Variants in TANC2 observed in about 807,000 individuals in gnomAD.
The protein encoded by TANC2 is tetratricopeptide repeat, ankyrin repeat and coiled-coil containing 2.
In TANC2, 26 loss-of-function variants were observed where a neutral mutation model predicts 210.5. The ratio of observed to expected loss-of-function variants is 0.12; its 90% CI spans 0.09 to 0.17. The LOEUF is 0.17. Among genes scored for constraint, TANC2 ranks in the 10% least tolerant of loss-of-function variants. The pLI is 1.00. For missense variants in TANC2, 2,129 were observed against 2,608.9 expected (o/e 0.82, Z 4.01); for synonymous variants, 931 against 967.1 (o/e 0.96, Z 0.69).
At chr17:63,290,549 A>G (rs1432632557) in intron 9 of TANC2, among the ~76,000 whole-genome samples, 1 of 152,166 alleles carries the variant, frequency 6.6e-6, no homozygotes, top group East Asian at 1.9e-4. Context: ...GTGGCCTGGA[A>G]ATGCTTTCAA....
intron 4 of TANC2, chr17:63,117,018 TTTACAGCTTTAAGGCATGAGGAGC>T (rs2038277653): frequency 6.6e-6 from 1 of 151,444 alleles, no homozygotes; most frequent in South Asian, 2.1e-4. Context: ...AAGAGAGGAG[TTTACAGCTTTAAGGCATGAGGAGC>T]TTACAGCTTT....
chr17:63,195,103 A>G (rs2041302355), intron 6 of TANC2, among the ~76,000 whole-genome samples: 1 of 152,172 alleles, frequency 6.6e-6, no homozygotes, highest in Non-Finnish European at 1.5e-5. Context: ...TTGTGTGGAT[A>G]AGTTCAGATG....
chr17:63,323,709 G>A (rs796955628), intron 11 of TANC2, among the ~76,000 whole-genome samples: 3 of 152,056 alleles, frequency 2.0e-5, no homozygotes, highest in Non-Finnish European at 2.9e-5. Flanking sequence ...ACCCTATGAG[G>A]TACATCATTA....
intron 4 of TANC2, among the ~76,000 whole-genome samples, chr17:63,119,259 AT>A (rs1190738275): frequency 1.3e-5 from 2 of 152,188 alleles, no homozygotes; most frequent in Non-Finnish European, 2.9e-5. Context: ...TATTTGGAAA[AT>A]ATATACGTCA....
intron 5 of TANC2, among the ~76,000 whole-genome samples, chr17:63,169,275 T>A (rs1216061379): frequency 6.6e-6 from 1 of 152,208 alleles, no homozygotes; most frequent in African/African-American, 2.4e-5. Context: ...CTTATGTTAG[T>A]TCTTTTGTAT....
intron 4 of TANC2, among the ~76,000 whole-genome samples, chr17:63,114,305 A>G (rs1444410214): frequency 6.6e-6 from 1 of 152,234 alleles, no homozygotes; most frequent in Non-Finnish European, 1.5e-5. Context: ...CACGACATTC[A>G]TTAAACAGAA....
chr17:63,213,704 AG>A (rs1489910630), intron 7 of TANC2, among the ~76,000 whole-genome samples: 2 of 152,250 alleles, frequency 1.3e-5, no homozygotes, highest in East Asian at 3.8e-4. Context: ...GGTGGCAAAA[AG>A]TTTAAGAACC....
chr17:63,412,744 T>C lies in TANC2; in HGVS notation c.3928+35T>C. ...ACCGCTGTCAGCATCAGGCGTGGTCTGATGGCTTGGTCAGCTTTGCCTTCT... is the reference window on the plus strand; with the variant it reads ...ACCGCTGTCAGCATCAGGCGTGGTCCGATGGCTTGGTCAGCTTTGCCTTCT... On this transcript the variant is annotated intron_variant, in intron 24 of 27. Transcript: ENST00000689528. This position sits in a 1 kb window ranked among gnomAD's most constrained non-coding sequence, Gnocchi z 4.2. 1 of 1,535,420 alleles carries C rather than the reference T, an allele frequency of 6.5e-7. No homozygotes were observed. Among genetic ancestry groups the C allele is most frequent in the Non-Finnish European group, 8.7e-7 (1 of 1,146,664 alleles).
At chr17:63,032,080 T>C (rs573839033) in intron 2 of TANC2, among the ~76,000 whole-genome samples, 181 of 152,334 alleles carry the variant, frequency 1.2e-3, no homozygotes, top group African/African-American at 3.8e-3. Context: ...CCATTTCTTA[T>C]ATCTATTTCT....
At chr17:62,980,788 T>G (rs566681534) in intron 1 of TANC2, among the ~76,000 whole-genome samples, 13 of 152,318 alleles carry the variant, frequency 8.5e-5, no homozygotes, top group South Asian at 6.2e-4. Flanking sequence ...CTGGCTTACT[T>G]CTAGTACCCA....
At chr17:63,276,494 CTT>C (rs554302518) in intron 9 of TANC2, among the ~76,000 whole-genome samples, 25 of 134,082 alleles carry the variant, frequency 1.9e-4, no homozygotes, top group East Asian at 2.2e-4. Flanking sequence ...TTTTCCCTTT[CTT>C]TTTTTTTTTT....
chr17:63,405,070 C>G (rs1039471742), intron 19 of TANC2, 52 bp from the exon 20 acceptor site: 1 of 1,520,162 alleles, frequency 6.6e-7, no homozygotes, highest in East Asian at 2.3e-5. Context: ...TAACATGGAG[C>G]GCTGGAGAGG....
At position 63,217,253 on chromosome 17, in the gene TANC2, T is replaced by C. The variant is rs528812669; in HGVS notation, c.769+16296T>C. On this transcript the variant is annotated intron_variant, in intron 7 of 27. Transcript: ENST00000689528. ...GAAAACAGTGGAGAAAAACAATGAA[T>C]TAAAAGCTGGTGCTTTGAGAAAATC... 2.4e-3 allele frequency among the ~76,000 whole-genome samples: 362 copies of C among 152,182 alleles called. 1 individual carries two copies. The highest frequency in any genetic ancestry group is 4.1e-3 in the Non-Finnish European group (278 of 67,982).
intron 4 of TANC2, among the ~76,000 whole-genome samples, chr17:63,134,216 A>T (rs1054799170): frequency 1.1e-4 from 17 of 152,134 alleles, no homozygotes; most frequent in African/African-American, 4.1e-4. Flanking sequence ...TCCGCTCTAG[A>T]TGCCAAACAT....
chr17:63,256,087 G>A (rs1461729134), intron 8 of TANC2, among the ~76,000 whole-genome samples: 1 of 151,788 alleles, frequency 6.6e-6, no homozygotes, highest in East Asian at 1.9e-4. Context: ...TGTATTTTTA[G>A]TAGAGGCAGG....
At chr17:63,351,563 G>T in intron 13 of TANC2, 147 bp downstream of exon 13, 1 of 633,946 alleles carries the variant, frequency 1.6e-6, no homozygotes. Context: ...CTAATATTTT[G>T]AGAGATATGA....
intron 2 of TANC2, among the ~76,000 whole-genome samples, chr17:63,055,984 AAAAAAAATATATATATATATAT>A (rs1351686410): frequency 1.0e-3 from 18 of 17,308 alleles, no homozygotes; most frequent in South Asian, 6.3e-3. Flanking sequence ...AAAAAAAAAA[AAAAAAAATATATATATATATAT>A]ATATATATAT....
intron 26 of TANC2, among the ~76,000 whole-genome samples, chr17:63,417,944 T>C (rs2048915905): frequency 6.6e-6 from 1 of 152,196 alleles, no homozygotes; most frequent in African/African-American, 2.4e-5. Flanking sequence ...CCACGTGAAA[T>C]GTGGACATGT....
In TANC2 at chr17:63,057,476, A is replaced by G. The variant is rs140876185; in HGVS notation, c.68-16467A>G. ...TAGGTTTACACGTGCAGGTTGATTT[A>G]TAGGTGAATTTGTGTCATGGGGGTG... On this transcript the variant is annotated intron_variant, in intron 2 of 27. Coordinates refer to ENST00000689528, the Ensembl canonical transcript of TANC2. 8.7e-4 allele frequency among the ~76,000 whole-genome samples: 132 copies of G among 152,216 alleles called. 1 individual carries two copies. In the Middle Eastern group the frequency reaches 0.01, roughly 12 times the overall value.
Sources: gnomAD v4.1 joint callset for allele counts (sites outside exome capture counted in the v4.1 genomes callset) on GRCh38, gnomAD v4.1.1 for gene constraint, Gnocchi (gnomAD v3.1) non-coding constraint, MANE v1.5 for transcripts, NCBI Gene and HGNC (gene_info 2026-07-23, HGNC 2026-07-21) for gene names.